Variants in RSU1 observed in about 807,000 individuals in gnomAD.
RSU1 encodes the protein Ras suppressor protein 1, also known as rsu-1.
Under a neutral mutation model 31.1 loss-of-function variants are expected in RSU1, and 26 were observed. The ratio of observed to expected loss-of-function variants is 0.84; its 90% confidence interval spans 0.61 to 1.16. RSU1 has a LOEUF of 1.16. Ranked by LOEUF, RSU1 falls within the 50% of genes most tolerant of loss-of-function variation. The pLI is 0.00. For synonymous variants in RSU1, 164 were observed against 136.3 expected (o/e 1.20, Z -1.41); for missense variants, 320 against 339.1 (o/e 0.94, Z 0.44).
At chr10:16,638,780 C>T (rs532418378) in intron 8 of RSU1, among the ~76,000 whole-genome samples, 4 of 152,256 alleles carry the variant, frequency 2.6e-5, no homozygotes, top group South Asian at 2.1e-4. Context: ...GGAGGAGGGC[C>T]GCGCTAGACG....
rs1201404365 is a variant in RSU1 at position 16,795,170 on chromosome 10, A to G, written c.110-13086T>C. Among the ~76,000 whole-genome samples, 3 of 152,060 alleles carry G rather than the reference A, an allele frequency of 2.0e-5. No individual in the cohort carries two copies. In the East Asian group the frequency reaches 5.8e-4, roughly 29 times the overall value. On this transcript the variant is annotated intron_variant, in intron 2 of 8. Coordinates refer to ENST00000345264, the MANE Select transcript of RSU1 (RefSeq NM_012425.4). ...GGAGTTCGAGACCAGCCTGGCCAAC[A>G]TGGTGAAGCCCCATCTCTACTAAAA...
intron 2 of RSU1, among the ~76,000 whole-genome samples, chr10:16,782,686 T>G (rs1396222210): frequency 6.6e-6 from 1 of 152,178 alleles, no homozygotes; most frequent in Non-Finnish European, 1.5e-5. Context: ...TGCAGATTGC[T>G]CTCTGGCTTC....
intron 8 of RSU1, among the ~76,000 whole-genome samples, chr10:16,599,639 G>A (rs954413798): frequency 7.2e-5 from 11 of 152,338 alleles, no homozygotes; most frequent in African/African-American, 2.4e-4. Context: ...GAGAGCTTGG[G>A]AGAAGATTAA....
rs868814002 is a variant in RSU1 at position 16,641,424 on chromosome 10, G to A, written c.732-47928C>T. On this transcript the variant is annotated intron_variant, in intron 8 of 8. Coordinates refer to ENST00000345264, the MANE Select transcript of RSU1 (RefSeq NM_012425.4). ...GAAGACTCGTATGAACCCAAGAGGC[G>A]GAGGTTGCAGTAAGCCGAGACTGTG... Among the ~76,000 whole-genome samples, 40 of 151,818 alleles carry A rather than the reference G, an allele frequency of 2.6e-4. 1 individual carries two copies. Among genetic ancestry groups the A allele is most frequent in the African/African-American group, 8.0e-4 (33 of 41,254 alleles).
At chr10:16,723,783 G>A (rs1417012295) in intron 7 of RSU1, among the ~76,000 whole-genome samples, 1 of 152,090 alleles carries the variant, frequency 6.6e-6, no homozygotes, top group Non-Finnish European at 1.5e-5. Flanking sequence ...GGACAAATGA[G>A]GGGGAAGAAG....
chr10:16,716,013 AATTT>A (rs771744152), intron 7 of RSU1, among the ~76,000 whole-genome samples: 56 of 152,176 alleles, frequency 3.7e-4, no homozygotes, highest in Non-Finnish European at 7.4e-4. Flanking sequence ...TTAATCAGAT[AATTT>A]ATTTACACAG....
chr10:16,597,153 T>C (rs1209694218), intron 8 of RSU1, among the ~76,000 whole-genome samples: 2 of 152,066 alleles, frequency 1.3e-5, no homozygotes, highest in African/African-American at 4.8e-5. Context: ...GCAGTAGGAA[T>C]TGAGAGGAAT....
At position 16,673,759 on chromosome 10, in the gene RSU1, C is replaced by T. The variant is rs115334246; in HGVS notation, c.731+21264G>A. On this transcript the variant is annotated intron_variant, in intron 8 of 8. Coordinates refer to ENST00000345264, the MANE Select transcript of RSU1 (RefSeq NM_012425.4). Reference sequence around the variant, plus strand: ...GGAGACCTCTGGCACCCAAAGACTGCGTGATGACTGAGGGACTCTTTATGC... The same window carrying T: ...GGAGACCTCTGGCACCCAAAGACTGTGTGATGACTGAGGGACTCTTTATGC... 6.3e-3 allele frequency among the ~76,000 whole-genome samples: 952 copies of T among 152,262 alleles called. 8 individuals are homozygous for T. The highest frequency in any genetic ancestry group is 0.021 in the African/African-American group (881 of 41,550).
chr10:16,620,336 A>G (rs1016013693), intron 8 of RSU1, among the ~76,000 whole-genome samples: 6 of 152,172 alleles, frequency 3.9e-5, no homozygotes, highest in Non-Finnish European at 8.8e-5. Flanking sequence ...TTTTCTTGAA[A>G]GGAATCACAT....
chr10:16,769,736 T>C (rs1837384736), intron 3 of RSU1, among the ~76,000 whole-genome samples: 1 of 152,216 alleles, frequency 6.6e-6, no homozygotes, highest in South Asian at 2.1e-4. Context: ...CCAACACATA[T>C]GTCCCTTACC....
At position 16,817,327 on chromosome 10, in the gene RSU1, C is replaced by T; in HGVS notation, c.-16G>A. The T allele has an allele frequency of 2.0e-6, 1 of 488,306 alleles. No homozygotes were observed. Among genetic ancestry groups the T allele is most frequent in the Non-Finnish European group, 3.7e-6 (1 of 270,834 alleles). The allele number at this position is 488,306 out of a possible 1,614,324, so 30.2% of individuals were successfully genotyped here. On this transcript the variant is annotated 5_prime_UTR_variant, in exon 1 of 9. Transcript: ENST00000345264. ...CGCACACACTCACCACGGAAGGTAG[C>T]CCCTAAGACGATGGGCGTGCAACCA...
chr10:16,687,767 T>A (rs997369451), intron 8 of RSU1, among the ~76,000 whole-genome samples: 9 of 152,182 alleles, frequency 5.9e-5, no homozygotes. Flanking sequence ...TCACTGAAGC[T>A]GGAGTTCAGT....
chr10:16,748,019 A>G (rs369989559), intron 7 of RSU1, among the ~76,000 whole-genome samples: 1 of 152,186 alleles, frequency 6.6e-6, no homozygotes, highest in African/African-American at 2.4e-5. Flanking sequence ...GGGTGATCAC[A>G]TGAGACTCTG....
intron 7 of RSU1, among the ~76,000 whole-genome samples, chr10:16,699,799 C>A (rs1252106700): frequency 6.6e-6 from 1 of 152,208 alleles, no homozygotes; most frequent in Non-Finnish European, 1.5e-5. Flanking sequence ...CAGGCAGCGC[C>A]GTGATTAGCA....
intron 8 of RSU1, among the ~76,000 whole-genome samples, chr10:16,639,593 G>A (rs1834404103): frequency 6.6e-6 from 1 of 152,174 alleles, no homozygotes; most frequent in African/African-American, 2.4e-5. Flanking sequence ...AACTAATACA[G>A]CAAAAGGGAT....
intron 8 of RSU1, among the ~76,000 whole-genome samples, chr10:16,679,869 GTTT>G (rs71374699): frequency 7.2e-4 from 90 of 124,630 alleles, no homozygotes; most frequent in African/African-American, 2.3e-3. Context: ...AAAGACTCAA[GTTT>G]TTTTTTTTTT....
chr10:16,697,461 A>G (rs1835700684), intron 7 of RSU1, among the ~76,000 whole-genome samples: 1 of 152,116 alleles, frequency 6.6e-6, no homozygotes, highest in South Asian at 2.1e-4. Context: ...GTTCCAGACC[A>G]CAAGGCAATT....
chr10:16,802,520 T>A (rs1006582223), intron 2 of RSU1, among the ~76,000 whole-genome samples: 3 of 152,116 alleles, frequency 2.0e-5, no homozygotes, highest in African/African-American at 7.2e-5. Flanking sequence ...ATACCAATTC[T>A]CTACAATACC....
At chr10:16,612,416 TGGAG>T (rs1165599186) in intron 8 of RSU1, among the ~76,000 whole-genome samples, 1 of 152,142 alleles carries the variant, frequency 6.6e-6, no homozygotes, top group African/African-American at 2.4e-5. Flanking sequence ...AGATTCTGCC[TGGAG>T]GAAGGTGCAA....
Sources: gnomAD v4.1 joint callset for allele counts (sites outside exome capture counted in the v4.1 genomes callset) on GRCh38, gnomAD v4.1.1 for gene constraint, MANE v1.5 for transcripts, NCBI Gene and HGNC (gene_info 2026-07-23, HGNC 2026-07-21) for gene names.